PCDHA1: variants seen among roughly 807,000 people sequenced by gnomAD.
PCDHA1 encodes protocadherin alpha 1.
In PCDHA1, 42 loss-of-function variants were observed where a neutral mutation model predicts 61.3. The ratio of observed to expected loss-of-function variants is 0.69; its 90% CI spans 0.54 to 0.89. PCDHA1 has a LOEUF of 0.89. PCDHA1 is among the 40% of genes least tolerant of loss of function. PCDHA1 has a pLI of 0.00. For missense variants in PCDHA1, 1,256 were observed against 1,235.3 expected (o/e 1.02, Z -0.25); for synonymous variants, 610 against 553.8 (o/e 1.10, Z -1.43).
intron 1 of PCDHA1, chr5:140,796,716 G>A (rs782715771): frequency 1.2e-6 from 2 of 1,613,932 alleles, no homozygotes; most frequent in African/African-American, 1.3e-5. Context: ...TGCCGTGGTC[G>A]GTGGGTGCAG....
intron 1 of PCDHA1, among the ~76,000 whole-genome samples, chr5:140,965,212 T>G (rs1360102713): frequency 6.6e-6 from 1 of 152,180 alleles, no homozygotes; most frequent in African/African-American, 2.4e-5. Context: ...CAAATTCCTG[T>G]GGAAGAAATG....
Position 140,801,272 on chromosome 5 carries a change from G to T in PCDHA1, c.2394+12588G>T. ...CTCTTCTGCTCCTCGCAGCCTCGGA[G>T]GTGGGGAGCGGCCAGCTCCACTACT... is the stretch of plus-strand genomic sequence containing the variant. On this transcript the variant is annotated intron_variant, in intron 1 of 3. Coordinates refer to ENST00000504120, the MANE Select transcript of PCDHA1 (RefSeq NM_018900.4). 8 of 1,613,682 alleles carry T rather than the reference G, an allele frequency of 5.0e-6. No individual in the cohort carries two copies. Among genetic ancestry groups the T allele is most frequent in the Non-Finnish European group, 6.8e-6 (8 of 1,179,902 alleles).
chr5:140,929,508 A>C (rs1200880949), intron 1 of PCDHA1: 3 of 831,290 alleles, frequency 3.6e-6, no homozygotes, highest in Non-Finnish European at 5.1e-6. Context: ...CCTAGGCCTC[A>C]AGGGACTTAT....
intron 1 of PCDHA1, chr5:140,828,707 C>T: frequency 6.2e-7 from 1 of 1,614,222 alleles, no homozygotes; most frequent in South Asian, 1.1e-5. Context: ...AGAGGAAGCT[C>T]CTGCACACAA....
chr5:140,796,572 C>A (rs573477679), intron 1 of PCDHA1: 2 of 1,613,296 alleles, frequency 1.2e-6, no homozygotes, highest in South Asian at 1.1e-5. Context: ...TCCAGGTGAG[C>A]GCGCGGGATG....
chr5:140,835,947 C>T, intron 1 of PCDHA1: 1 of 1,612,740 alleles, frequency 6.2e-7, no homozygotes, highest in Non-Finnish European at 8.5e-7. Context: ...CGCGCTGCAG[C>T]CGTTGGACCA....
intron 1 of PCDHA1, chr5:140,841,618 C>T (rs782778902): frequency 6.2e-7 from 1 of 1,614,014 alleles, no homozygotes; most frequent in South Asian, 1.1e-5. Flanking sequence ...GCGGGCGGAG[C>T]GCGGAGTGCA....
intron 1 of PCDHA1, among the ~76,000 whole-genome samples, chr5:140,964,181 T>A (rs1563333888): frequency 6.6e-6 from 1 of 152,218 alleles, no homozygotes; most frequent in African/African-American, 2.4e-5. Context: ...ATCATTATAG[T>A]GCCAAATAGA....
chr5:140,802,635 C>A, intron 1 of PCDHA1: 11 of 1,613,810 alleles, frequency 6.8e-6, no homozygotes, highest in Non-Finnish European at 9.3e-6. Flanking sequence ...GGTGTCTGCG[C>A]GGGACGCGGA....
Position 140,856,641 on chromosome 5 carries a change from T to G in PCDHA1, c.2394+67957T>G, listed in dbSNP as rs1554148950. On this transcript the variant is annotated intron_variant, in intron 1 of 3. Coordinates refer to ENST00000504120, the MANE Select transcript of PCDHA1 (RefSeq NM_018900.4). ...TTCCCAGTGCTTGTTCTGCGGAAGC[T>G]GCTGGATCGTGAAGAAAATCCTCAG... 4.4e-6 allele frequency: 7 copies of G among 1,598,334 alleles called. 1 individual carries two copies. The highest frequency in any genetic ancestry group is 5.1e-6 in the Non-Finnish European group (6 of 1,167,764).
At chr5:140,826,663 A>C (rs1554130616) in intron 1 of PCDHA1, among the ~76,000 whole-genome samples, 1 of 152,182 alleles carries the variant, frequency 6.6e-6, no homozygotes, top group Non-Finnish European at 1.5e-5. Flanking sequence ...TTGCAAGTAA[A>C]TTGTAGACGT....
intron 2 of PCDHA1, 96 bp from the exon 3 acceptor site, chr5:140,982,379 C>T (rs959359344): frequency 1.4e-5 from 22 of 1,575,004 alleles, no homozygotes; most frequent in South Asian, 3.5e-5. Context: ...TAGCTGCAGC[C>T]CTGGCTTCAT....
At chr5:140,903,401 T>A (rs577425497) in intron 1 of PCDHA1, among the ~76,000 whole-genome samples, 2 of 152,336 alleles carry the variant, frequency 1.3e-5, no homozygotes, top group East Asian at 3.9e-4. Flanking sequence ...GAAACAGTAG[T>A]GCAGTCAGGA....
chr5:140,823,532 C>T (rs138704270), intron 1 of PCDHA1: 7 of 1,613,746 alleles, frequency 4.3e-6, no homozygotes, highest in Non-Finnish European at 4.2e-6. Context: ...TCAGTGGGTG[C>T]GGGCCACGTG....
intron 1 of PCDHA1, chr5:140,875,592 A>G: frequency 6.2e-7 from 1 of 1,613,992 alleles, no homozygotes; most frequent in Non-Finnish European, 8.5e-7. Flanking sequence ...AGGAGGCCAA[A>G]CACGGCACCT....
intron 1 of PCDHA1, chr5:140,928,374 C>T (rs782659188): frequency 6.2e-7 from 1 of 1,614,172 alleles, no homozygotes; most frequent in Non-Finnish European, 8.5e-7. Flanking sequence ...GGCCATCAGC[C>T]TCTAGCTTGC....
chr5:140,882,870 A>T, intron 1 of PCDHA1: 1 of 1,614,196 alleles, frequency 6.2e-7, no homozygotes, highest in South Asian at 1.1e-5. Flanking sequence ...AAAACACTGG[A>T]CAGAGAGGAA....
intron 1 of PCDHA1, among the ~76,000 whole-genome samples, chr5:140,895,075 A>C (rs1309295177): frequency 6.6e-6 from 1 of 152,102 alleles, no homozygotes; most frequent in Admixed American, 6.5e-5. Flanking sequence ...AATTCCTATC[A>C]GTTCCTCCTC....
chr5:140,984,656 G>A (rs1465387950), intron 3 of PCDHA1, among the ~76,000 whole-genome samples: 2 of 152,082 alleles, frequency 1.3e-5, no homozygotes, highest in Non-Finnish European at 2.9e-5. Context: ...TGTCCTTCTG[G>A]TACTTTTAGG....
Sources: allele counts gnomAD v4.1 joint callset (sites outside exome capture counted in the v4.1 genomes callset), GRCh38; gene constraint gnomAD v4.1.1; transcripts MANE v1.5; gene names NCBI Gene and HGNC (gene_info 2026-07-23, HGNC 2026-07-21).